The following SPEF2 variants were observed in gnomAD, a reference collection of about 807,000 sequenced individuals.
The protein encoded by SPEF2 is sperm flagellar and cilia associated 2, also known as sperm flagella and cilia-associated protein 2.
In SPEF2, 187 loss-of-function variants were observed where a neutral mutation model predicts 224.6. That is an observed-to-expected ratio of 0.83 (90% confidence interval 0.74 to 0.94). The LOEUF is 0.94. SPEF2 is among the 40% of genes least tolerant of loss of function. The pLI is 0.00. For missense variants in SPEF2, 2,170 were observed against 2,135.6 expected, an observed-to-expected ratio of 1.02 and a Z score of -0.32; for synonymous variants, 715 against 707.3, an observed-to-expected ratio of 1.01 and a Z score of -0.17.
intron 6 of SPEF2, among the ~76,000 whole-genome samples, chr5:35,652,018 T>C (rs1446542754): frequency 6.6e-6 from 1 of 152,212 alleles, no homozygotes; most frequent in African/African-American, 2.4e-5. Context: ...CAGAGGCTTT[T>C]CCCAGCAACT....
intron 2 of SPEF2, among the ~76,000 whole-genome samples, chr5:35,630,569 G>T (rs369563905): frequency 3.9e-5 from 6 of 152,120 alleles, no homozygotes; most frequent in Non-Finnish European, 8.8e-5. Flanking sequence ...GGTGGCGGGC[G>T]TCTGTAGTCC....
Position 35,790,419 on chromosome 5 carries a change from G to T in SPEF2, c.4448-1921G>T, listed in dbSNP as rs534499777. 10 of 443,924 alleles carry T rather than the reference G, an allele frequency of 2.3e-5. No homozygotes were observed. In the South Asian group the frequency reaches 5.8e-4, roughly 26 times the overall value. The allele number at this position is 443,924 out of a possible 1,614,324, so 27.5% of individuals were successfully genotyped here. ...TGTTGCTTAGCAATGTAGCTCTTTTGCATAGTAAAAAATAAAATAAAATAA... is the reference window on the plus strand; with the variant it reads ...TGTTGCTTAGCAATGTAGCTCTTTTTCATAGTAAAAAATAAAATAAAATAA... On this transcript the variant is annotated intron_variant, in intron 30 of 36. Transcript: ENST00000356031.
intron 13 of SPEF2, among the ~76,000 whole-genome samples, chr5:35,695,269 T>G (rs946050886): frequency 3.0e-5 from 4 of 132,710 alleles, no homozygotes; most frequent in African/African-American, 9.1e-5. Flanking sequence ...CTTCTGGTTT[T>G]TTTTTTTTTT....
chr5:35,792,471 G>A, intron 31 of SPEF2, 25 bp downstream of exon 31: 2 of 1,593,948 alleles, frequency 1.3e-6, no homozygotes, highest in Non-Finnish European at 1.7e-6. Context: ...TGTTTGAGTT[G>A]TAAAGCTTTA....
chr5:35,800,008 C>A lies in SPEF2; in HGVS notation c.4871C>A (p.Pro1624His). The change falls in exon 34 of 37, where the codon CCC (proline) becomes CAC (histidine). Residue 1624 changes from proline to histidine, a missense_variant. Coordinates refer to ENST00000356031, the MANE Select transcript of SPEF2 (RefSeq NM_024867.4). ...RLFADYEKDP[P>H]QLDYTQMLLY... ...TTTGCTGACTATGAGAAGGATCCAC[C>A]CCAGCTTGACTACACACAGATGCTG... 1 of 1,613,954 alleles carries A rather than the reference C, an allele frequency of 6.2e-7. No homozygotes were observed. The highest frequency in any genetic ancestry group is 8.5e-7 in the Non-Finnish European group (1 of 1,179,984).
intron 23 of SPEF2, among the ~76,000 whole-genome samples, chr5:35,748,434 A>G (rs1748901249): frequency 6.6e-6 from 1 of 152,196 alleles, no homozygotes; most frequent in South Asian, 2.1e-4. Context: ...CGCAAGATTA[A>G]CCAAGAAAAG....
At chr5:35,668,376 A>AG (rs1750808283) in intron 9 of SPEF2, among the ~76,000 whole-genome samples, 1 of 152,186 alleles carries the variant, frequency 6.6e-6, no homozygotes, top group Non-Finnish European at 1.5e-5. Context: ...CCAGATACTT[A>AG]GGCTGCGTGG....
chr5:35,795,840 C>G, intron 33 of SPEF2, 45 bp downstream of exon 33: 1 of 1,497,676 alleles, frequency 6.7e-7, no homozygotes, highest in South Asian at 1.2e-5. Context: ...TAGCACTAAT[C>G]ATTTTCTTTG....
intron 15 of SPEF2, chr5:35,700,274 T>C (rs546888833): frequency 9.6e-5 from 55 of 570,500 alleles, no homozygotes; most frequent in African/African-American, 9.2e-4. Flanking sequence ...TGTTAAAGCC[T>C]CTGGAATAGA....
chr5:35,651,611 T>A (rs2149429806), intron 6 of SPEF2, among the ~76,000 whole-genome samples: 1 of 152,352 alleles, frequency 6.6e-6, no homozygotes, highest in East Asian at 1.9e-4. Flanking sequence ...TTAAGCCATT[T>A]CATTAATCAC....
intron 18 of SPEF2, among the ~76,000 whole-genome samples, chr5:35,707,712 A>G (rs1389251311): frequency 6.6e-6 from 1 of 152,144 alleles, no homozygotes; most frequent in Non-Finnish European, 1.5e-5. Context: ...GAGCCTAGAA[A>G]GACTCCAGTC....
Position 35,617,989 on chromosome 5 carries a change from G to T in SPEF2, c.-9G>T, listed in dbSNP as rs750158040. 5 of 1,575,096 alleles carry T rather than the reference G, an allele frequency of 3.2e-6. No individual in the cohort carries two copies. The African/African-American group carries it at 4.1e-5, about 13-fold the overall frequency. On this transcript the variant is annotated 5_prime_UTR_variant, in exon 1 of 37. Transcript: ENST00000356031. ...GCCCCCGCCTGCGGTCTGAGGCACCGGCTGAACCATGTCGGAGATCCTGTG... is the reference window on the plus strand; with the variant it reads ...GCCCCCGCCTGCGGTCTGAGGCACCTGCTGAACCATGTCGGAGATCCTGTG...
At chr5:35,724,378 T>A (rs1367623999) in intron 20 of SPEF2, among the ~76,000 whole-genome samples, 1 of 152,144 alleles carries the variant, frequency 6.6e-6, no homozygotes, top group African/African-American at 2.4e-5. Context: ...AGACTGAAGT[T>A]TAAAAAATTT....
chr5:35,804,586 T>C (rs1238158157), intron 34 of SPEF2, among the ~76,000 whole-genome samples: 2 of 152,064 alleles, frequency 1.3e-5, no homozygotes, highest in African/African-American at 4.8e-5. Context: ...ACTGAGCCAC[T>C]AAGCCTATTC....
chr5:35,715,575 T>C (rs912169221), intron 20 of SPEF2, among the ~76,000 whole-genome samples: 2 of 152,020 alleles, frequency 1.3e-5, no homozygotes, highest in African/African-American at 2.4e-5. Context: ...TCTGGGTGAT[T>C]AGATAATGGG....
At chr5:35,752,411 C>G (rs1580588777) in intron 23 of SPEF2, among the ~76,000 whole-genome samples, 1 of 152,038 alleles carries the variant, frequency 6.6e-6, no homozygotes, top group Non-Finnish European at 1.5e-5. Context: ...ATCTTAGCCT[C>G]CTGAGTAGCT....
chr5:35,618,682 G>A (rs1743010467), intron 1 of SPEF2, among the ~76,000 whole-genome samples: 1 of 151,954 alleles, frequency 6.6e-6, no homozygotes, highest in African/African-American at 2.4e-5. Flanking sequence ...TCACAAACTA[G>A]CTATTTCTGG....
chr5:35,732,600 T>A (rs963891301), intron 21 of SPEF2, among the ~76,000 whole-genome samples: 2 of 152,194 alleles, frequency 1.3e-5, no homozygotes, highest in African/African-American at 2.4e-5. Context: ...CTCCAAAAAA[T>A]TTAATATGAT....
chr5:35,733,790 A>T (rs1293146071), intron 21 of SPEF2, among the ~76,000 whole-genome samples: 14 of 72,268 alleles, frequency 1.9e-4, no homozygotes, highest in Admixed American at 1.8e-3. Flanking sequence ...GAATTGTTTA[A>T]AAAAAAAAAA....
Sources: allele counts gnomAD v4.1 joint callset (sites outside exome capture counted in the v4.1 genomes callset), GRCh38; gene constraint gnomAD v4.1.1; transcripts MANE v1.5; gene names NCBI Gene and HGNC (gene_info 2026-07-23, HGNC 2026-07-21).